ARVCF: variants seen among roughly 807,000 people sequenced by gnomAD.
ARVCF encodes ARVCF delta catenin family member.
Under a neutral mutation model 90.9 loss-of-function variants are expected in ARVCF, and 66 were observed. The observed-to-expected ratio is 0.73, with a 90% CI of 0.60 to 0.89. ARVCF has a LOEUF of 0.89. Among genes scored for constraint, ARVCF ranks in the 40% least tolerant of loss-of-function variants. ARVCF has a pLI of 0.00. For missense variants in ARVCF, 1,469 were observed against 1,382.3 expected (o/e 1.06, Z -1.00); for synonymous variants, 653 against 603.4 (o/e 1.08, Z -1.21).
Position 19,978,961 on chromosome 22 carries a change from C to T in ARVCF, c.1516G>A (p.Glu506Lys), listed in dbSNP as rs746171819. 26 of 1,613,208 alleles carry T rather than the reference C, an allele frequency of 1.6e-5. No individual in the cohort carries two copies. The South Asian group carries it at 2.1e-4, about 13-fold the overall frequency. The change falls in exon 7 of 20, where the codon GAG becomes AAG. Residue 506 changes from glutamate to lysine, a missense_variant. Glu to Lys is a moderately conservative substitution (Grantham distance 56). Coordinates refer to ENST00000263207, the MANE Select transcript of ARVCF (RefSeq NM_001670.3). The stretch of plus-strand genomic sequence containing the variant: ...TCGGCGTCCCGTGGCTTGGAGTCCT[C>T]GTTGGGCTCACGCTCCCATCCTGAG... ...PHSGWEREPN[E>K]DSKPRDAEWT...
Position 19,990,499 on chromosome 22 carries a change from C to T in ARVCF, c.210+86G>A, listed in dbSNP as rs4819527. 0.35 allele frequency: 504,939 copies of T among 1,443,370 alleles called. 91,382 individuals are homozygous for T. The highest frequency in any genetic ancestry group is 0.55 in the African/African-American group (39,219 of 71,258). 89.4% of individuals were successfully genotyped at this position (1,443,370 alleles called of 1,614,324 possible). ...CCCAGCAAATCTTGCAATAAGCGAG[C>T]GCATGCTGGCTTGTGGTCCACCAGG... On this transcript the variant is annotated intron_variant, in intron 3 of 19. Transcript: ENST00000263207.
intron 1 of ARVCF, among the ~76,000 whole-genome samples, chr22:20,015,888 C>T (rs1271033915): frequency 6.6e-6 from 1 of 152,190 alleles, no homozygotes; most frequent in Non-Finnish European, 1.5e-5. Flanking sequence ...TGTAAGCAGC[C>T]AATATTTAAT....
At chr22:20,005,063 G>C (rs80105474) in intron 2 of ARVCF, among the ~76,000 whole-genome samples, 8,425 of 152,204 alleles carry the variant, frequency 0.055, 766 homozygotes, top group African/African-American at 0.19. Context: ...TAAAATGTAT[G>C]TTCATCAAAG....
chr22:19,968,722 G>A (rs555126080), downstream of ARVCF: 19 of 1,603,848 alleles, frequency 1.2e-5, no homozygotes, highest in South Asian at 5.5e-5. Flanking sequence ...CCCAGGCAGC[G>A]AAGCAGGGCC....
intron 8 of ARVCF, 114 bp from the exon 9 acceptor site, chr22:19,977,700 G>A (rs898958725): frequency 2.9e-6 from 4 of 1,381,866 alleles, no homozygotes; most frequent in Middle Eastern, 2.7e-4. Context: ...GGAACAGGGA[G>A]TCCTCAGTGG....
At chr22:19,966,989 C>T (rs2084459106), downstream of ARVCF, 3 of 985,322 alleles carry the variant, frequency 3.0e-6, no homozygotes, top group Admixed American at 6.1e-5. Context: ...GCCAGTTCTC[C>T]AGGTGGTCTG....
chr22:19,979,434 G>T (rs780452399), intron 6 of ARVCF: 18 of 536,026 alleles, frequency 3.4e-5, no homozygotes, highest in Middle Eastern at 5.0e-4. Flanking sequence ...ACCACTGCAC[G>T]GTTGGGGTGG....
In ARVCF at chr22:19,981,610, T is replaced by C. The variant is rs1476045358; in HGVS notation, c.497A>G (p.His166Arg). The C allele has an allele frequency of 1.2e-6, 2 of 1,607,768 alleles. No homozygotes were observed. Among genetic ancestry groups the C allele is most frequent in the Non-Finnish European group, 1.7e-6 (2 of 1,179,618 alleles). The stretch of plus-strand genomic sequence containing the variant: ...TGGGCCACCACCACGCAGCAGGAAA[T>C]GCCGGTCCAGGGCACCATCTGCAAA... ...GPFADGALDRHFLLRGGGPVA... is the reference protein window; with the variant it reads ...GPFADGALDRRFLLRGGGPVA... Residue 166 changes from histidine (H) to arginine (R), a missense_variant, in exon 5 of 20, where the codon CAT becomes CGT. Coordinates refer to ENST00000263207, the MANE Select transcript of ARVCF (RefSeq NM_001670.3).
chr22:19,988,201 C>T (rs1473264503), intron 3 of ARVCF, among the ~76,000 whole-genome samples: 4 of 152,186 alleles, frequency 2.6e-5, no homozygotes, highest in Non-Finnish European at 5.9e-5. Context: ...CTAGCATGCT[C>T]AAGATTCTAG....
chr22:19,978,486 G>C, intron 7 of ARVCF, among the ~76,000 whole-genome samples: 1 of 152,180 alleles, frequency 6.6e-6, no homozygotes, highest in Non-Finnish European at 1.5e-5. Flanking sequence ...CACCCTGATG[G>C]ACAAGCAGGA....
Position 19,970,564 on chromosome 22 carries a change from T to C in ARVCF, c.*192A>G. On this transcript the variant is annotated 3_prime_UTR_variant, in exon 20 of 20. Coordinates refer to ENST00000263207, the MANE Select transcript of ARVCF (RefSeq NM_001670.3). ...AACAGCTAACTCAGGCCTAGGGAGTTAGGTAGGATGGGGGGAGTGGGGTGG... is the reference window on the plus strand; with the variant it reads ...AACAGCTAACTCAGGCCTAGGGAGTCAGGTAGGATGGGGGGAGTGGGGTGG... The C allele has an allele frequency of 1.7e-6, 2 of 1,191,668 alleles. No individual in the cohort carries two copies. Among genetic ancestry groups the C allele is most frequent in the African/African-American group, 3.6e-5 (2 of 55,488 alleles). 73.8% of individuals were successfully genotyped at this position (1,191,668 alleles called of 1,614,324 possible).
At chr22:20,016,350 C>T (rs1218083426) in intron 1 of ARVCF, among the ~76,000 whole-genome samples, 1 of 152,132 alleles carries the variant, frequency 6.6e-6, no homozygotes, top group Non-Finnish European at 1.5e-5. Flanking sequence ...ACAAAGAGAC[C>T]CGCCCCCGCC....
intron 3 of ARVCF, among the ~76,000 whole-genome samples, chr22:19,982,729 C>T (rs1211720341): frequency 6.6e-6 from 1 of 152,248 alleles, no homozygotes; most frequent in Non-Finnish European, 1.5e-5. Context: ...CCAGTATGTC[C>T]TTATTCCTTC....
At chr22:19,989,284 AC>A (rs1400332473) in intron 3 of ARVCF, among the ~76,000 whole-genome samples, 1 of 151,912 alleles carries the variant, frequency 6.6e-6, no homozygotes, top group East Asian at 1.9e-4. Flanking sequence ...TGAGTCTCGG[AC>A]CCTCTGGGGA....
In ARVCF at chr22:19,977,421, C is replaced by T; in HGVS notation, c.1864G>A (p.Ala622Thr). ...CCCAGTCCGCCCCACCCACCTTTGG[C>T]CTTCTTGCCTCCAAAGCAGCTGGCA... ...DDASCFGGKK[A>T]KEEWFHQGKK... The change falls in exon 9 of 20, where the codon GCC becomes ACC. Residue 622 changes from alanine to threonine, a missense_variant. Transcript: ENST00000263207. 5 of 1,525,054 alleles carry T rather than the reference C, an allele frequency of 3.3e-6. No homozygotes were observed. The highest frequency in any genetic ancestry group is 1.8e-4 in the Middle Eastern group (1 of 5,658). 94.5% of individuals were successfully genotyped at this position (1,525,054 alleles called of 1,614,324 possible).
intron 2 of ARVCF, among the ~76,000 whole-genome samples, chr22:20,006,717 C>T (rs923630493): frequency 2.0e-5 from 3 of 151,450 alleles, no homozygotes; most frequent in Admixed American, 6.6e-5. Context: ...CTGCAACTTC[C>T]GCCTCCTGGG....
At chr22:20,006,672 G>A (rs547951638) in intron 2 of ARVCF, among the ~76,000 whole-genome samples, 5 of 150,296 alleles carry the variant, frequency 3.3e-5, no homozygotes, top group South Asian at 2.1e-4. Flanking sequence ...TTGCCCTGTC[G>A]CCAGGCTAGA....
rs561424500 is a variant in ARVCF, at chr22:20,016,310, G to C, written c.-73+279C>G. Among the ~76,000 whole-genome samples the C allele has an allele frequency of 7.3e-3, 1,109 of 152,198 alleles. 16 individuals carry two copies. The highest frequency in any genetic ancestry group is 0.025 in the African/African-American group (1,050 of 41,540). ...TGGAGTGCTCAGTGCAAGACGCCCG[G>C]ACGGGTAGGGTAGGGCCCCAAGGCC... On this transcript the variant is annotated intron_variant, in intron 1 of 19. Coordinates refer to ENST00000263207, the MANE Select transcript of ARVCF (RefSeq NM_001670.3).
intron 3 of ARVCF, among the ~76,000 whole-genome samples, chr22:19,985,234 C>T (rs1943703542): frequency 6.6e-6 from 1 of 152,190 alleles, no homozygotes; most frequent in South Asian, 2.1e-4. Context: ...GCTGGGGCCC[C>T]ATCCTTGCTC....
Sources: gnomAD v4.1 joint callset for allele counts (sites outside exome capture counted in the v4.1 genomes callset) on GRCh38, gnomAD v4.1.1 for gene constraint, MANE v1.5 for transcripts, NCBI Gene and HGNC (gene_info 2026-07-23, HGNC 2026-07-21) for gene names.